TFEC: variants seen among roughly 807,000 people sequenced by gnomAD.
TFEC encodes the protein class E basic helix-loop-helix protein 34.
TFEC carries 31 observed loss-of-function variants against 41.6 expected under a neutral mutation model. The ratio of observed to expected loss-of-function variants is 0.74; its 90% CI spans 0.56 to 1.01. The LOEUF (loss-of-function observed/expected upper bound fraction) is 1.01. Among genes scored for constraint, TFEC ranks in the 50% least tolerant of loss-of-function variants. TFEC has a pLI of 0.00. For missense variants in TFEC, 402 were observed against 404.1 expected, an observed-to-expected ratio of 0.99 and a Z score of 0.04; for synonymous variants, 143 against 140.6, an observed-to-expected ratio of 1.02 and a Z score of -0.12.
intron 1 of TFEC, among the ~76,000 whole-genome samples, chr7:115,999,231 C>T (rs560024460): frequency 2.6e-5 from 4 of 151,896 alleles, no homozygotes; most frequent in South Asian, 2.1e-4. Flanking sequence ...AAAATATGCT[C>T]CTGAATGACC....
At chr7:116,021,036 C>T (rs1795375625) in intron 1 of TFEC, among the ~76,000 whole-genome samples, 1 of 152,134 alleles carries the variant, frequency 6.6e-6, no homozygotes, top group Non-Finnish European at 1.5e-5. Context: ...GAGAATAAAT[C>T]ATTCCTTCCA....
At chr7:116,018,641 G>A (rs779271289) in intron 1 of TFEC, among the ~76,000 whole-genome samples, 1 of 152,200 alleles carries the variant, frequency 6.6e-6, no homozygotes, top group Non-Finnish European at 1.5e-5. Context: ...TGGGGAGGAA[G>A]TTGAAGATTT....
chr7:115,979,508 A>T (rs1365455245), intron 2 of TFEC, among the ~76,000 whole-genome samples: 1 of 152,148 alleles, frequency 6.6e-6, no homozygotes, highest in Non-Finnish European at 1.5e-5. Flanking sequence ...TAGGATGTGC[A>T]GTTTGTTCCC....
At chr7:116,097,262 G>A (rs1015304318) in intron 3 of TFEC, among the ~76,000 whole-genome samples, 1 of 151,026 alleles carries the variant, frequency 6.6e-6, no homozygotes, top group African/African-American at 2.4e-5. Context: ...CTTTATCCAT[G>A]GGAGGATATG....
chr7:116,121,830 C>T (rs1798113496), intron 1 of TFEC, among the ~76,000 whole-genome samples: 1 of 151,848 alleles, frequency 6.6e-6, no homozygotes, highest in South Asian at 2.1e-4. Flanking sequence ...GGCTAAAAGC[C>T]CTGATTGGTC....
At chr7:116,119,849 A>T (rs1283291037) in intron 1 of TFEC, among the ~76,000 whole-genome samples, 1 of 151,948 alleles carries the variant, frequency 6.6e-6, no homozygotes, top group East Asian at 1.9e-4. Context: ...AAGGAATTTA[A>T]ACAGTGGAAA....
At chr7:116,135,488 G>A (rs1476677377) in intron 1 of TFEC, among the ~76,000 whole-genome samples, 3 of 152,108 alleles carry the variant, frequency 2.0e-5, no homozygotes, top group South Asian at 4.1e-4. Flanking sequence ...TCATTAAAAC[G>A]TTCCCAAAGA....
chr7:116,077,980 A>G (rs1796999302), intron 3 of TFEC, among the ~76,000 whole-genome samples: 1 of 152,114 alleles, frequency 6.6e-6, no homozygotes, highest in Non-Finnish European at 1.5e-5. Flanking sequence ...TATACATTCT[A>G]TCCATCAGCA....
intron 3 of TFEC, among the ~76,000 whole-genome samples, chr7:116,058,104 T>A (rs1286229065): frequency 1.3e-5 from 2 of 151,848 alleles, no homozygotes. Flanking sequence ...ATTGTATTTT[T>A]TTAATTAAGA....
At chr7:116,151,856 T>C (rs1399020626) in intron 1 of TFEC, among the ~76,000 whole-genome samples, 2 of 152,188 alleles carry the variant, frequency 1.3e-5, no homozygotes, top group Admixed American at 1.3e-4. Flanking sequence ...GTTAAATATT[T>C]GTTTTCCATC....
chr7:116,064,105 C>T (rs1796637047), intron 3 of TFEC, among the ~76,000 whole-genome samples: 1 of 151,686 alleles, frequency 6.6e-6, no homozygotes, highest in Non-Finnish European at 1.5e-5. Context: ...GAGATGCTGG[C>T]CAAAGGATAC....
At chr7:116,090,661 A>C (rs1288269189) in intron 3 of TFEC, among the ~76,000 whole-genome samples, 1 of 152,084 alleles carries the variant, frequency 6.6e-6, no homozygotes, top group Non-Finnish European at 1.5e-5. Context: ...TTTTCCTAAA[A>C]CTAAAATATA....
chr7:116,046,308 C>A (rs1796162679), intron 3 of TFEC, among the ~76,000 whole-genome samples: 1 of 152,168 alleles, frequency 6.6e-6, no homozygotes, highest in Non-Finnish European at 1.5e-5. Flanking sequence ...CGAATTCCCA[C>A]ATGTTGTGGA....
chr7:116,131,398 C>T (rs964021133), intron 1 of TFEC, among the ~76,000 whole-genome samples: 11 of 152,122 alleles, frequency 7.2e-5, no homozygotes, highest in African/African-American at 2.7e-4. Context: ...AGCTAAAATT[C>T]ATTAACAATT....
At chr7:116,064,654 G>T (rs1473091154) in intron 3 of TFEC, among the ~76,000 whole-genome samples, 4 of 152,006 alleles carry the variant, frequency 2.6e-5, no homozygotes, top group African/African-American at 9.7e-5. Flanking sequence ...CGTGGCATAT[G>T]TATGCCTATG....
At chr7:116,115,525 T>C (rs1170561368) in intron 1 of TFEC, among the ~76,000 whole-genome samples, 2 of 151,902 alleles carry the variant, frequency 1.3e-5, no homozygotes, top group African/African-American at 4.8e-5. Context: ...TCTGGTTCCA[T>C]GGTAAGATGT....
At chr7:116,065,143 C>A (rs1169679432) in intron 3 of TFEC, among the ~76,000 whole-genome samples, 2 of 152,074 alleles carry the variant, frequency 1.3e-5, no homozygotes, top group African/African-American at 4.8e-5. Flanking sequence ...GAAACCAGAC[C>A]AGCACAAGAG....
intron 3 of TFEC, among the ~76,000 whole-genome samples, chr7:116,073,429 C>T (rs1796877478): frequency 6.6e-6 from 1 of 151,170 alleles, no homozygotes; most frequent in Admixed American, 6.6e-5. Context: ...GCAAATGGCT[C>T]TTAGAAAACT....
intron 1 of TFEC, among the ~76,000 whole-genome samples, chr7:116,149,204 G>A (rs1050441759): frequency 3.3e-5 from 5 of 152,144 alleles, no homozygotes; most frequent in Admixed American, 2.0e-4. Context: ...TTAGTTATTA[G>A]AGAAATAACA....
Sources: gnomAD v4.1 joint callset for allele counts (sites outside exome capture counted in the v4.1 genomes callset) on GRCh38, gnomAD v4.1.1 for gene constraint, MANE v1.5 for transcripts, NCBI Gene and HGNC (gene_info 2026-07-23, HGNC 2026-07-21) for gene names.